Variants in CCDC91 observed in about 807,000 individuals in gnomAD.
CCDC91 encodes coiled-coil domain containing 91.
CCDC91 carries 48 observed loss-of-function variants against 63.2 expected under a neutral mutation model. The observed-to-expected ratio is 0.76, with a 90% CI of 0.60 to 0.97. The LOEUF (loss-of-function observed/expected upper bound fraction) is 0.97, where lower values mean the gene tolerates loss of function less well. CCDC91 is among the 50% of genes least tolerant of loss of function. The pLI is 0.00. For missense variants in CCDC91, 500 were observed against 494.6 expected, an observed-to-expected ratio of 1.01 and a Z score of -0.10; for synonymous variants, 167 against 165.8, an observed-to-expected ratio of 1.01 and a Z score of -0.06.
intron 7 of CCDC91, among the ~76,000 whole-genome samples, chr12:28,373,826 T>G (rs1364963104): frequency 6.6e-6 from 1 of 152,114 alleles, no homozygotes; most frequent in African/African-American, 2.4e-5. Flanking sequence ...TTCCCCCATG[T>G]TGTCCTGGTG....
intron 6 of CCDC91, among the ~76,000 whole-genome samples, chr12:28,315,786 G>A (rs1311160864): frequency 1.3e-5 from 2 of 150,414 alleles, no homozygotes; most frequent in African/African-American, 4.9e-5. Flanking sequence ...GTTCTTTTGT[G>A]CCCTCAACAG....
intron 1 of CCDC91, among the ~76,000 whole-genome samples, chr12:28,194,076 C>G (rs1941519803): frequency 6.6e-6 from 1 of 152,140 alleles, no homozygotes; most frequent in Non-Finnish European, 1.5e-5. Context: ...AGTTTTTTCT[C>G]TTATGATTTG....
At chr12:28,321,617 A>T (rs1342095409) in intron 6 of CCDC91, among the ~76,000 whole-genome samples, 1 of 151,838 alleles carries the variant, frequency 6.6e-6, no homozygotes, top group Non-Finnish European at 1.5e-5. Flanking sequence ...AATAGACATC[A>T]GAGAACTTGT....
chr12:28,227,359 A>G (rs1034001110), intron 1 of CCDC91, among the ~76,000 whole-genome samples: 4 of 152,062 alleles, frequency 2.6e-5, no homozygotes, highest in African/African-American at 7.2e-5. Flanking sequence ...TTTATTTTCT[A>G]CTTGGCTTGG....
At chr12:28,535,964 G>C (rs1249377962) in intron 12 of CCDC91, among the ~76,000 whole-genome samples, 6 of 151,654 alleles carry the variant, frequency 4.0e-5, no homozygotes, top group African/African-American at 1.5e-4. Flanking sequence ...GGGAGGCGTA[G>C]CTTGCAGTCA....
At chr12:28,461,918 T>C (rs1950327784) in intron 11 of CCDC91, among the ~76,000 whole-genome samples, 1 of 152,084 alleles carries the variant, frequency 6.6e-6, no homozygotes, top group Non-Finnish European at 1.5e-5. Flanking sequence ...TGATGTAATT[T>C]TCACATCTAA....
At chr12:28,194,838 A>G (rs1174999634) in intron 1 of CCDC91, among the ~76,000 whole-genome samples, 2 of 151,040 alleles carry the variant, frequency 1.3e-5, no homozygotes, top group Non-Finnish European at 2.9e-5. Flanking sequence ...TAGCTCGTAA[A>G]GGTGGCGTGT....
intron 1 of CCDC91, among the ~76,000 whole-genome samples, chr12:28,252,005 G>T (rs773597507): frequency 6.6e-6 from 1 of 152,070 alleles, no homozygotes; most frequent in African/African-American, 2.4e-5. Flanking sequence ...AGACTTTACA[G>T]GTGTGAACAT....
At chr12:28,451,655 A>G (rs1949808394) in intron 10 of CCDC91, among the ~76,000 whole-genome samples, 1 of 151,706 alleles carries the variant, frequency 6.6e-6, no homozygotes, top group African/African-American at 2.4e-5. Flanking sequence ...TTTTTCACAT[A>G]AAAATGTTAA....
At chr12:28,487,545 C>T (rs1187167891) in intron 12 of CCDC91, among the ~76,000 whole-genome samples, 1 of 151,726 alleles carries the variant, frequency 6.6e-6, no homozygotes, top group Non-Finnish European at 1.5e-5. Flanking sequence ...TTCCAAAAGA[C>T]TGAATTAGGG....
chr12:28,547,892 G>A (rs967654177), intron 12 of CCDC91, among the ~76,000 whole-genome samples: 3 of 152,102 alleles, frequency 2.0e-5, no homozygotes, highest in Non-Finnish European at 4.4e-5. Context: ...CTTTGTGGGG[G>A]ATGCAGGGGC....
intron 6 of CCDC91, among the ~76,000 whole-genome samples, chr12:28,309,879 C>A (rs1939137780): frequency 6.6e-6 from 1 of 151,960 alleles, no homozygotes; most frequent in Non-Finnish European, 1.5e-5. Context: ...CTCAGCATCC[C>A]CTAGCCCTTT....
intron 12 of CCDC91, among the ~76,000 whole-genome samples, chr12:28,501,891 A>G (rs2141139126): frequency 6.6e-6 from 1 of 151,570 alleles, no homozygotes; most frequent in Admixed American, 6.6e-5. Flanking sequence ...AGAGCCTGTT[A>G]TTGGTCTATT....
chr12:28,466,171 A>G (rs1950540627), intron 11 of CCDC91, among the ~76,000 whole-genome samples: 1 of 152,192 alleles, frequency 6.6e-6, no homozygotes, highest in Admixed American at 6.5e-5. Context: ...TACACAAAGG[A>G]GACAAAAGAA....
In CCDC91 at chr12:28,281,724, G is replaced by A. The variant is rs116878810; in HGVS notation, c.109+22282G>A. Among the ~76,000 whole-genome samples the A allele has an allele frequency of 9.9e-5, 15 of 152,274 alleles. No homozygotes were observed. In the East Asian group the frequency reaches 2.9e-3, roughly 29 times the overall value. On this transcript the variant is annotated intron_variant, in intron 3 of 12. Transcript: ENST00000536442. ...CATTAGCAACAGTGTTGTTAGAGTAGTGTATAGAAAGTAGCTGACATAATT... is the reference window on the plus strand; with the variant it reads ...CATTAGCAACAGTGTTGTTAGAGTAATGTATAGAAAGTAGCTGACATAATT...
chr12:28,458,760 T>C (rs1950175208), intron 11 of CCDC91, among the ~76,000 whole-genome samples: 1 of 152,022 alleles, frequency 6.6e-6, no homozygotes, highest in South Asian at 2.1e-4. Flanking sequence ...CCTTTCCATT[T>C]TACCTGAAAA....
rs142654567 is a variant in CCDC91 at position 28,505,001 on chromosome 12, C to T, written c.1215+20836C>T. ...ACTCTAAAAGCTATTTCCAATAGTACTGAAAATAACAATGGTTACCCATTG... is the reference window on the plus strand; with the variant it reads ...ACTCTAAAAGCTATTTCCAATAGTATTGAAAATAACAATGGTTACCCATTG... On this transcript the variant is annotated intron_variant, in intron 12 of 12. Transcript: ENST00000536442. Among the ~76,000 whole-genome samples the T allele has an allele frequency of 6.6e-3, 1,003 of 152,016 alleles. 5 individuals are homozygous for T. Among genetic ancestry groups the T allele is most frequent in the Admixed American group, 9.3e-3 (141 of 15,236 alleles).
intron 6 of CCDC91, among the ~76,000 whole-genome samples, chr12:28,316,373 T>C (rs1216829821): frequency 1.3e-5 from 2 of 151,744 alleles, no homozygotes; most frequent in Non-Finnish European, 2.9e-5. Context: ...TCTGAAATGA[T>C]TTATTCTGTC....
rs537917871 is a variant in CCDC91 at position 28,536,047 on chromosome 12, A to G, written c.1216-13016A>G. Among the ~76,000 whole-genome samples, 4 of 151,186 alleles carry G rather than the reference A, an allele frequency of 2.6e-5. No homozygotes were observed. The South Asian group carries it at 6.3e-4, about 24-fold the overall frequency. On this transcript the variant is annotated intron_variant, in intron 12 of 12. Transcript: ENST00000536442. The stretch of plus-strand genomic sequence containing the variant: ...CCATCTCAAAAAAAAAAAAAAATAT[A>G]TATTGTGGGAAATGGAAAGTTTTAT...
Sources: allele counts gnomAD v4.1 joint callset (sites outside exome capture counted in the v4.1 genomes callset), GRCh38; gene constraint gnomAD v4.1.1; transcripts MANE v1.5; gene names NCBI Gene and HGNC (gene_info 2026-07-23, HGNC 2026-07-21).